Variants in ACSS3 observed in about 807,000 individuals in gnomAD.
ACSS3 encodes the protein acyl-CoA synthetase short-chain family member 3, mitochondrial.
In ACSS3, 64 loss-of-function variants were observed where a neutral mutation model predicts 84.2. The observed-to-expected ratio is 0.76, with a 90% CI of 0.62 to 0.94. The LOEUF is 0.94. ACSS3 is among the 40% of genes least tolerant of loss of function. The pLI is 0.00. For synonymous variants in ACSS3, 317 were observed against 310.1 expected (o/e 1.02, Z -0.23); for missense variants, 815 against 867.6 (o/e 0.94, Z 0.76).
At chr12:81,090,235 T>C (rs568437614) in intron 1 of ACSS3, among the ~76,000 whole-genome samples, 1 of 152,150 alleles carries the variant, frequency 6.6e-6, no homozygotes, top group Non-Finnish European at 1.5e-5. Context: ...GATTTTATCT[T>C]AAAACCTTTA....
chr12:81,167,918 G>C (rs977617345), intron 7 of ACSS3, among the ~76,000 whole-genome samples: 10 of 152,284 alleles, frequency 6.6e-5, no homozygotes, highest in Admixed American at 6.5e-4. Flanking sequence ...TCAAGCCTGA[G>C]GAATTGCAAC....
chr12:81,134,820 C>T lies in ACSS3; in HGVS notation c.461C>T (p.Ser154Phe), dbSNP rs1565997067. The change falls in exon 3 of 16, where the codon TCC (serine) becomes TTC (phenylalanine). Residue 154 changes from serine to phenylalanine, a missense_variant. By Grantham distance (155) the Ser-to-Phe change is radical (BLOSUM62 -2). Transcript: ENST00000548058. ...GATTTAATGGTCTTGGCATAGGTCT[C>T]CAAGCTGGCTGGTGTCTTGGTCAAG... The part of the protein sequence containing the change: ...FTYKEVLEQV[S>F]KLAGVLVKHG... 1 of 1,554,680 alleles carries T rather than the reference C, an allele frequency of 6.4e-7. No homozygotes were observed. The highest frequency in any genetic ancestry group is 8.7e-7 in the Non-Finnish European group (1 of 1,144,282).
intron 1 of ACSS3, among the ~76,000 whole-genome samples, chr12:81,096,569 C>T (rs1882068146): frequency 6.6e-6 from 1 of 152,118 alleles, no homozygotes; most frequent in African/African-American, 2.4e-5. Context: ...TTTGCTGCAC[C>T]GATCAACCGG....
intron 2 of ACSS3, among the ~76,000 whole-genome samples, chr12:81,130,924 G>C (rs1885453878): frequency 6.6e-6 from 1 of 152,162 alleles, no homozygotes; most frequent in African/African-American, 2.4e-5. Flanking sequence ...GTTTGTCAAA[G>C]ATTGGATGGT....
intron 3 of ACSS3, among the ~76,000 whole-genome samples, chr12:81,138,137 T>C (rs913974104): frequency 8.5e-5 from 13 of 152,216 alleles, no homozygotes; most frequent in African/African-American, 2.9e-4. Context: ...ATACATGCAA[T>C]ACTTTGGGTC....
chr12:81,130,932 G>T (rs528382248), intron 2 of ACSS3, among the ~76,000 whole-genome samples: 5 of 152,124 alleles, frequency 3.3e-5, no homozygotes, highest in African/African-American at 1.2e-4. Flanking sequence ...AAGATTGGAT[G>T]GTTGTAGATG....
chr12:81,216,515 C>T (rs2032921839), intron 9 of ACSS3, among the ~76,000 whole-genome samples: 1 of 152,084 alleles, frequency 6.6e-6, no homozygotes, highest in Admixed American at 6.5e-5. Flanking sequence ...AACGAAATAA[C>T]TTTAGGTGAG....
chr12:81,243,590 C>T (rs959582705), intron 13 of ACSS3, among the ~76,000 whole-genome samples: 9 of 152,272 alleles, frequency 5.9e-5, no homozygotes, highest in East Asian at 5.8e-4. Flanking sequence ...GGAGGCATCA[C>T]GCTACCTGAC....
intron 2 of ACSS3, among the ~76,000 whole-genome samples, chr12:81,115,108 C>A (rs1464040037): frequency 1.3e-5 from 2 of 152,080 alleles, no homozygotes; most frequent in Admixed American, 6.6e-5. Flanking sequence ...CTGGTTGGGA[C>A]TATTACAAAC....
chr12:81,211,147 G>A (rs1593200561), intron 9 of ACSS3, among the ~76,000 whole-genome samples: 1 of 151,662 alleles, frequency 6.6e-6, no homozygotes, highest in East Asian at 1.9e-4. Flanking sequence ...TTTGTATTTT[G>A]TATTTTGTGT....
chr12:81,180,160 C>G (rs540003397), intron 8 of ACSS3, among the ~76,000 whole-genome samples: 1 of 152,322 alleles, frequency 6.6e-6, no homozygotes, highest in South Asian at 2.1e-4. Flanking sequence ...GTTTACTCTT[C>G]TAAGTGTGAG....
chr12:81,215,446 T>C (rs551794342), intron 9 of ACSS3, among the ~76,000 whole-genome samples: 20 of 152,294 alleles, frequency 1.3e-4, no homozygotes, highest in African/African-American at 4.6e-4. Flanking sequence ...ATCCATAAAA[T>C]GTGAATAATA....
intron 7 of ACSS3, among the ~76,000 whole-genome samples, chr12:81,153,933 T>G (rs776123606): frequency 2.0e-5 from 3 of 152,222 alleles, no homozygotes; most frequent in Non-Finnish European, 4.4e-5. Flanking sequence ...CATATACTAC[T>G]CTACACTTTT....
intron 1 of ACSS3, among the ~76,000 whole-genome samples, chr12:81,081,247 A>C (rs1880955425): frequency 6.6e-6 from 1 of 152,346 alleles, no homozygotes; most frequent in Admixed American, 6.5e-5. Flanking sequence ...ATGGAGAATA[A>C]ATCTTTAAGG....
chr12:81,229,143 A>C (rs2033371547), intron 11 of ACSS3, among the ~76,000 whole-genome samples: 1 of 151,860 alleles, frequency 6.6e-6, no homozygotes, highest in African/African-American at 2.4e-5. Flanking sequence ...TTAGTATAAT[A>C]GAGCAATAAT....
At chr12:81,148,492 T>A (rs1360327651) in intron 5 of ACSS3, among the ~76,000 whole-genome samples, 1 of 152,182 alleles carries the variant, frequency 6.6e-6, no homozygotes, top group Non-Finnish European at 1.5e-5. Context: ...TTGGATTTTT[T>A]AAACACCATA....
chr12:81,081,091 T>C (rs1880943079), intron 1 of ACSS3, among the ~76,000 whole-genome samples: 1 of 152,214 alleles, frequency 6.6e-6, no homozygotes, highest in African/African-American at 2.4e-5. Context: ...TTCTTCATTA[T>C]AAGCTTGTCT....
chr12:81,204,840 G>T (rs561062936), intron 9 of ACSS3, among the ~76,000 whole-genome samples: 2 of 152,184 alleles, frequency 1.3e-5, no homozygotes, highest in East Asian at 3.9e-4. Context: ...TGATTTTGTT[G>T]TTTGTTTGTT....
chr12:81,101,183 TA>T (rs1366329072), intron 1 of ACSS3, among the ~76,000 whole-genome samples: 1 of 152,194 alleles, frequency 6.6e-6, no homozygotes, highest in Non-Finnish European at 1.5e-5. Context: ...TGCTTCTTTT[TA>T]CCAGAAGAAA....
Sources: gnomAD v4.1 joint callset for allele counts (sites outside exome capture counted in the v4.1 genomes callset) on GRCh38, gnomAD v4.1.1 for gene constraint, MANE v1.5 for transcripts, NCBI Gene and HGNC (gene_info 2026-07-23, HGNC 2026-07-21) for gene names.